Variants in ZC3H4 observed in about 807,000 individuals in gnomAD.
The protein encoded by ZC3H4 is zinc finger CCCH-type containing 4.
In ZC3H4, 13 loss-of-function variants were observed where a neutral mutation model predicts 108.3. The ratio of observed to expected loss-of-function variants is 0.12; its 90% CI spans 0.08 to 0.19. The LOEUF (loss-of-function observed/expected upper bound fraction) is 0.19, where lower values mean the gene tolerates loss of function less well. Among genes scored for constraint, ZC3H4 ranks in the 10% least tolerant of loss-of-function variants. The pLI, the probability that ZC3H4 is intolerant of heterozygous loss-of-function variation, is 1.00. For synonymous variants in ZC3H4, 917 were observed against 749.6 expected, an observed-to-expected ratio of 1.22 and a Z score of -3.65; for missense variants, 1,734 against 1,838.8, an observed-to-expected ratio of 0.94 and a Z score of 1.04.
Position 47,066,725 on chromosome 19 carries a change from C to CG in ZC3H4, c.3542dup (p.Ala1182GlyfsTer5). 6.2e-7 allele frequency: 1 copy of CG among 1,606,822 alleles called. No homozygotes were observed. Among genetic ancestry groups the CG allele is most frequent in the Non-Finnish European group, 8.5e-7 (1 of 1,178,358 alleles). On this transcript the variant is annotated frameshift_variant, in exon 15 of 15. Coordinates refer to ENST00000253048, the MANE Select transcript of ZC3H4 (RefSeq NM_015168.2). LOFTEE classifies it high-confidence loss of function. Reference sequence around the variant, plus strand: ...ACGGGGGCTCCTTAGCCTTGGAGGCCGAGCTCTTGCCATTGCCCTCAGCAC... The same window carrying CG: ...ACGGGGGCTCCTTAGCCTTGGAGGCCGGAGCTCTTGCCATTGCCCTCAGCAC...
chr19:47,112,535 G>C lies in ZC3H4; in HGVS notation c.50C>G (p.Pro17Arg). ...TGATGGCGGCGGCGGCGATGGCGGC[G>C]GCGGCGACTCTGATGGCGGCGGCGG... ...TPPPPPSESP[P>R]PPSPPPPSTP... is the part of the protein sequence containing the mutation. Residue 17 changes from proline (P) to arginine (R), a missense_variant, in exon 2 of 15, where the codon CCG (proline) becomes CGG (arginine). Pro to Arg is a moderately radical substitution (Grantham distance 103, BLOSUM62 -2). Around this residue, in one of 9 missense-constraint regions of ZC3H4, gnomAD observed 112 missense variants for 73.3 expected, o/e 1.53. Coordinates refer to ENST00000253048, the MANE Select transcript of ZC3H4 (RefSeq NM_015168.2). The C allele has an allele frequency of 9.4e-7, 1 of 1,064,620 alleles. No individual in the cohort carries two copies. The highest frequency in any genetic ancestry group is 1.2e-6 in the Non-Finnish European group (1 of 828,204). 65.9% of individuals were successfully genotyped at this position (1,064,620 alleles called of 1,614,324 possible). A position where few individuals can be genotyped will look rare whatever the true frequency, so the allele number is the denominator to read the frequency against.
At chr19:47,089,576 G>C (rs2057694748) in intron 5 of ZC3H4, among the ~76,000 whole-genome samples, 1 of 152,226 alleles carries the variant, frequency 6.6e-6, no homozygotes, top group Non-Finnish European at 1.5e-5. Context: ...TCAGAGGTGT[G>C]GCAGTGGCAA....
chr19:47,093,520 A>T (rs780187368), intron 4 of ZC3H4, among the ~76,000 whole-genome samples: 10 of 152,192 alleles, frequency 6.6e-5, no homozygotes, highest in Non-Finnish European at 1.3e-4. Context: ...AACATGCCTC[A>T]TGGAGGTCAG....
Position 47,085,387 on chromosome 19 carries a change from C to G in ZC3H4, c.898G>C (p.Asp300His). The change falls in exon 7 of 15, where the codon GAC (aspartate) becomes CAC (histidine). Residue 300 changes from aspartate to histidine, a missense_variant. By Grantham distance (81) the Asp-to-His change is moderately conservative (BLOSUM62 -1). Transcript: ENST00000253048. ...TTGGAGTACTCGTCATAGTCGTCGT[C>G]TCCCATTGGCTCCTCACTCTCTCCA... ...DYGESEEPMG[D>H]DDYDEYSKEL... is the part of the protein sequence containing the mutation. 6.3e-7 allele frequency: 1 copy of G among 1,598,932 alleles called. No individual in the cohort carries two copies. The highest frequency in any genetic ancestry group is 8.5e-7 in the Non-Finnish European group (1 of 1,172,920).
chr19:47,082,654 C>T (rs912431233), intron 9 of ZC3H4, among the ~76,000 whole-genome samples: 2 of 152,160 alleles, frequency 1.3e-5, no homozygotes, highest in Non-Finnish European at 2.9e-5. Flanking sequence ...CATTTTTCTT[C>T]CTCCCAGACC....
rs768615416 is a variant in ZC3H4, at chr19:47,086,406, T to A, written c.848A>T (p.Asp283Val). The A allele has an allele frequency of 1.2e-6, 2 of 1,613,390 alleles. No homozygotes were observed. The highest frequency in any genetic ancestry group is 1.7e-6 in the Non-Finnish European group (2 of 1,179,838). ...MGGDHPEDEE[D>V]FYEEEMDYGE... is the part of the protein sequence containing the mutation. ...TACGTCCATCTCTTCCTCGTAGAAA[T>A]CCTCTTCATCCTCCGGGTGGTCTCC... Residue 283 changes from aspartate to valine, a missense_variant, in exon 6 of 15, where the codon GAT (aspartate) becomes GTT (valine). By Grantham distance (152) the Asp-to-Val change is radical. This residue lies in a region of ZC3H4 where 403 missense variants were observed against 457.0 expected (regional missense o/e 0.88). Coordinates refer to ENST00000253048, the MANE Select transcript of ZC3H4 (RefSeq NM_015168.2).
chr19:47,090,109 G>T lies in ZC3H4; in HGVS notation c.573C>A (p.Gly191=). The part of the protein sequence containing the change: ...AYSKMDSKSY[G]MYEDYENEQY... The stretch of plus-strand genomic sequence containing the variant: ...GCTCATTCTCGTAGTCCTCGTACAT[G>T]CCATAACTCTTGCTGTCCATCTTGG... The change falls in exon 5 of 15, where the codon GGC becomes GGA. Residue 191 remains glycine (G), a synonymous_variant. Coordinates refer to ENST00000253048, the MANE Select transcript of ZC3H4 (RefSeq NM_015168.2). 2.5e-6 allele frequency: 4 copies of T among 1,614,168 alleles called. No homozygotes were observed. Among genetic ancestry groups the T allele is most frequent in the Non-Finnish European group, 3.4e-6 (4 of 1,180,024 alleles).
In ZC3H4 at chr19:47,064,901, A is replaced by G. The variant is rs2057174064; in HGVS notation, c.*1455T>C. The G allele has an allele frequency of 1.3e-5, 2 of 151,864 alleles. No homozygotes were observed. Among genetic ancestry groups the G allele is most frequent in the Admixed American group, 6.6e-5 (1 of 15,256 alleles). 9.4% of individuals were successfully genotyped at this position (151,864 alleles called of 1,614,324 possible). A position where few individuals can be genotyped will look rare whatever the true frequency, so the allele number is the denominator to read the frequency against. On this transcript the variant is annotated 3_prime_UTR_variant, in exon 15 of 15. Coordinates refer to ENST00000253048, the MANE Select transcript of ZC3H4 (RefSeq NM_015168.2). The stretch of plus-strand genomic sequence containing the variant: ...GAGCCTTGTTCACCCCACCCTGAGG[A>G]GGAGGGAAGGGGAATCCCTTGGCAG...
chr19:47,112,706 G>C, intron 1 of ZC3H4, 117 bp from the exon 2 acceptor site: 1 of 545,726 alleles, frequency 1.8e-6, no homozygotes, highest in Non-Finnish European at 2.8e-6. Context: ...TTTCGGTTTC[G>C]GAATCACCTC....
Position 47,072,239 on chromosome 19 carries a change from A to G in ZC3H4, c.1802+113T>C. The G allele has an allele frequency of 7.2e-7, 1 of 1,392,956 alleles. No individual in the cohort carries two copies. The highest frequency in any genetic ancestry group is 9.7e-7 in the Non-Finnish European group (1 of 1,029,502). The allele number at this position is 1,392,956 out of a possible 1,614,324, so 86.3% of individuals were successfully genotyped here. A position where few individuals can be genotyped will look rare whatever the true frequency, so the allele number is the denominator to read the frequency against. Reference sequence around the variant, plus strand: ...TCATGGGCCCCAGACCAGGACTCCCACAGCTGGGGAGAGAGGCAGGACTCT... The same window carrying G: ...TCATGGGCCCCAGACCAGGACTCCCGCAGCTGGGGAGAGAGGCAGGACTCT... On this transcript the variant is annotated intron_variant, in intron 12 of 14. Coordinates refer to ENST00000253048, the MANE Select transcript of ZC3H4 (RefSeq NM_015168.2). This position sits in a 1 kb window ranked among gnomAD's most constrained non-coding sequence, Gnocchi z 5.6.
intron 6 of ZC3H4, 21 bp from the exon 7 acceptor site, chr19:47,085,435 G>A (rs1435624915): frequency 2.6e-6 from 4 of 1,545,062 alleles, no homozygotes; most frequent in South Asian, 1.2e-5. Context: ...CAGAGGAGAG[G>A]GCAGGAGAGC....
At chr19:47,090,724 A>G (rs976777833) in intron 4 of ZC3H4, among the ~76,000 whole-genome samples, 1 of 152,268 alleles carries the variant, frequency 6.6e-6, no homozygotes, top group Non-Finnish European at 1.5e-5. Context: ...ACAAACTGGT[A>G]TATCCAGACA....
chr19:47,112,596 G>A lies in ZC3H4; in HGVS notation c.-5-7C>T, dbSNP rs570817320. The A allele has an allele frequency of 3.7e-5, 45 of 1,205,340 alleles. No homozygotes were observed. The highest frequency in any genetic ancestry group is 1.2e-4 in the South Asian group (3 of 24,772). The allele number at this position is 1,205,340 out of a possible 1,614,324, so 74.7% of individuals were successfully genotyped here. On this transcript the variant is annotated splice_region_variant and splice_polypyrimidine_tract_variant and intron_variant, in intron 1 of 14. Coordinates refer to ENST00000253048, the MANE Select transcript of ZC3H4 (RefSeq NM_015168.2). ...GGCGCGGCCTCCATAGTTCCTTTGG[G>A]GGGGAGGGGATGTTAATGCACGAAA...
chr19:47,086,556 TAGTG>T lies in ZC3H4; in HGVS notation c.716-22_716-19del. ...TCGGCTGCCTGCATGGAGATTCAGA[TAGTG>T]AGCCTCCAGCAGGAGCAGATGCCAC... On this transcript the variant is annotated intron_variant, in intron 5 of 14. Coordinates refer to ENST00000253048, the MANE Select transcript of ZC3H4 (RefSeq NM_015168.2). 2 of 1,564,796 alleles carry T rather than the reference TAGTG, an allele frequency of 1.3e-6. No homozygotes were observed. The highest frequency in any genetic ancestry group is 1.7e-6 in the Non-Finnish European group (2 of 1,164,744).
Position 47,090,754 on chromosome 19 carries a change from G to A in ZC3H4, c.493-565C>T, listed in dbSNP as rs138723468. On this transcript the variant is annotated intron_variant, in intron 4 of 14. Transcript: ENST00000253048. Reference sequence around the variant, plus strand: ...CAGACAATGGAGTAACGACGAATATGTAACAATAAAGTGTGTATTGGGCAA... The same window carrying A: ...CAGACAATGGAGTAACGACGAATATATAACAATAAAGTGTGTATTGGGCAA... Among the ~76,000 whole-genome samples, 3 of 152,338 alleles carry A rather than the reference G, an allele frequency of 2.0e-5. No individual in the cohort carries two copies. In the East Asian group the frequency reaches 5.8e-4, roughly 29 times the overall value.
chr19:47,101,476 G>A (rs963294316), intron 2 of ZC3H4, among the ~76,000 whole-genome samples: 1 of 152,050 alleles, frequency 6.6e-6, no homozygotes, highest in Non-Finnish European at 1.5e-5. Flanking sequence ...GCCTTCTCCT[G>A]CCTTGGCCTC....
At chr19:47,069,753 A>G (rs1003724694) in intron 13 of ZC3H4, among the ~76,000 whole-genome samples, 1 of 152,180 alleles carries the variant, frequency 6.6e-6, no homozygotes, top group Non-Finnish European at 1.5e-5. Flanking sequence ...GTTTCTTTCT[A>G]ACAATCAGTA....
chr19:47,087,470 C>G (rs919594473), intron 5 of ZC3H4, among the ~76,000 whole-genome samples: 3 of 151,508 alleles, frequency 2.0e-5, no homozygotes, highest in African/African-American at 7.3e-5. Context: ...TGCAGTGGCT[C>G]AATCCTATAA....
At chr19:47,087,078 C>T (rs1428505076) in intron 5 of ZC3H4, among the ~76,000 whole-genome samples, 1 of 151,928 alleles carries the variant, frequency 6.6e-6, no homozygotes, top group Non-Finnish European at 1.5e-5. Flanking sequence ...GAGTTTGAGA[C>T]CATCCTGGCC....
Sources: allele counts gnomAD v4.1 joint callset (sites outside exome capture counted in the v4.1 genomes callset), GRCh38; gene constraint gnomAD v4.1.1; regional missense constraint gnomAD v4.1.1; non-coding constraint Gnocchi (gnomAD v3.1); transcripts MANE v1.5; gene names NCBI Gene and HGNC (gene_info 2026-07-23, HGNC 2026-07-21).